Variants in FBXO34 observed in about 807,000 individuals in gnomAD.
FBXO34 encodes F-box protein 34.
FBXO34 carries 12 observed loss-of-function variants against 24.5 expected under a neutral mutation model. The ratio of observed to expected loss-of-function variants is 0.49; its 90% CI spans 0.31 to 0.79. The LOEUF is 0.79. Among genes scored for constraint, FBXO34 ranks in the 30% least tolerant of loss-of-function variants. The pLI is 0.04. For missense variants in FBXO34, 823 were observed against 857.7 expected, an observed-to-expected ratio of 0.96 and a Z score of 0.51; for synonymous variants, 320 against 311.9, an observed-to-expected ratio of 1.03 and a Z score of -0.27.
At chr14:55,323,949 T>C (rs1342576574) in intron 1 of FBXO34, among the ~76,000 whole-genome samples, 1 of 152,180 alleles carries the variant, frequency 6.6e-6, no homozygotes, top group Non-Finnish European at 1.5e-5. Context: ...ATTCACCCTT[T>C]GAAAGTGTAC....
At chr14:55,423,862 C>A in the FBXO34 span, among the ~76,000 whole-genome samples, 1 of 151,984 alleles carries the variant, frequency 6.6e-6, no homozygotes, top group Non-Finnish European at 1.5e-5. Context: ...CCATTAAAAG[C>A]CTTTATGAAG....
chr14:55,335,247 CTT>C (rs900201480), intron 1 of FBXO34: 1 of 152,148 alleles, frequency 6.6e-6, no homozygotes, highest in Non-Finnish European at 1.5e-5. Flanking sequence ...AAAAGTGCCT[CTT>C]ATGTGAAAAG....
At chr14:55,435,991 A>T in the FBXO34 span, 1 of 1,164,046 alleles carries the variant, frequency 8.6e-7, no homozygotes, top group Non-Finnish European at 1.2e-6. Context: ...AAAAAAAAAA[A>T]AAGACAACTT....
intron 1 of FBXO34, among the ~76,000 whole-genome samples, chr14:55,298,219 G>A (rs1012099203): frequency 1.4e-5 from 2 of 146,868 alleles, no homozygotes; most frequent in East Asian, 2.0e-4. Context: ...TTTTTTTTGC[G>A]TTTTTTTTTA....
At chr14:55,281,185 T>C (rs977675415) in intron 1 of FBXO34, among the ~76,000 whole-genome samples, 3 of 148,998 alleles carry the variant, frequency 2.0e-5, no homozygotes, top group African/African-American at 7.4e-5. Context: ...ACACAGGAGT[T>C]TTAGGTTATG....
At chr14:55,280,526 A>AATTTTTTTTTTTTT (rs201409175) in intron 1 of FBXO34, among the ~76,000 whole-genome samples, 1 of 95,896 alleles carries the variant, frequency 1.0e-5, no homozygotes, top group Non-Finnish European at 1.9e-5. Flanking sequence ...TATATCAGGA[A>AATTTTTTTTTTTTT]CTTTTTTTTT....
intron 1 of FBXO34, among the ~76,000 whole-genome samples, chr14:55,274,783 ATTTG>A (rs1263380811): frequency 1.3e-5 from 2 of 152,168 alleles, no homozygotes; most frequent in Non-Finnish European, 2.9e-5. Flanking sequence ...TTGTTTTAAT[ATTTG>A]TTTGGGAGAA....
chr14:55,392,849 AAT>A, the FBXO34 span, among the ~76,000 whole-genome samples: 31 of 152,182 alleles, frequency 2.0e-4, no homozygotes, highest in African/African-American at 7.5e-4. Context: ...TAACATCTCG[AAT>A]AGAGTCAGAC....
At chr14:55,424,200 A>G in the FBXO34 span, 3 of 1,613,576 alleles carry the variant, frequency 1.9e-6, no homozygotes, top group Non-Finnish European at 2.5e-6. Context: ...AAGCAACACA[A>G]TTCGTGGTTT....
At chr14:55,314,001 C>G (rs1662691392) in intron 1 of FBXO34, among the ~76,000 whole-genome samples, 1 of 152,118 alleles carries the variant, frequency 6.6e-6, no homozygotes. Context: ...CTTCCTGGCT[C>G]AAAGTGATCC....
chr14:55,367,822 G>GT (rs1178156494), exon 3 of FBXO34: 2 of 151,664 alleles, frequency 1.3e-5, no homozygotes, highest in Admixed American at 6.6e-5. Flanking sequence ...CAAGGAATTT[G>GT]TGACTACCGG....
chr14:55,356,628 T>TAA (rs200491616), downstream of FBXO34, among the ~76,000 whole-genome samples: 3 of 151,790 alleles, frequency 2.0e-5, no homozygotes, highest in Non-Finnish European at 4.4e-5. Flanking sequence ...ATTTTTTTAT[T>TAA]TTTTTATTTT....
intron 1 of FBXO34, chr14:55,299,016 G>C: frequency 6.2e-7 from 1 of 1,608,648 alleles, no homozygotes; most frequent in Non-Finnish European, 8.5e-7. Flanking sequence ...GGACATTGCT[G>C]ACCAGCAAGA....
chr14:55,373,234 A>G (rs1350785193), downstream of FBXO34, among the ~76,000 whole-genome samples: 2 of 152,196 alleles, frequency 1.3e-5, no homozygotes, highest in Non-Finnish European at 2.9e-5. Flanking sequence ...AAGACCCTGA[A>G]CCAGGAATAC....
downstream of FBXO34, among the ~76,000 whole-genome samples, chr14:55,373,602 G>C (rs1884863282): frequency 6.6e-6 from 1 of 152,050 alleles, no homozygotes; most frequent in Admixed American, 6.5e-5. Flanking sequence ...TGGGGTTACA[G>C]GCACCCGCCA....
the FBXO34 span, chr14:55,436,642 T>A: frequency 1.2e-6 from 2 of 1,612,864 alleles, no homozygotes; most frequent in East Asian, 2.2e-5. Flanking sequence ...AGACAAGGAG[T>A]CGGAGTTTGG....
chr14:55,429,700 A>AGGT, the FBXO34 span, among the ~76,000 whole-genome samples: 6 of 135,230 alleles, frequency 4.4e-5, no homozygotes, highest in Admixed American at 8.1e-5. Flanking sequence ...TGGGAGGCAG[A>AGGT]GGTTGCAGTG....
the FBXO34 span, among the ~76,000 whole-genome samples, chr14:55,391,607 T>C: frequency 5.9e-5 from 9 of 152,178 alleles, no homozygotes; most frequent in Non-Finnish European, 1.2e-4. Context: ...ACTAGCCACA[T>C]GTGGTTACTT....
At chr14:55,412,691 AT>A in the FBXO34 span, among the ~76,000 whole-genome samples, 1 of 152,136 alleles carries the variant, frequency 6.6e-6, no homozygotes, top group African/African-American at 2.4e-5. Flanking sequence ...CTCAAGGATG[AT>A]TTTACTAGGC....
Sources: allele counts gnomAD v4.1 joint callset (sites outside exome capture counted in the v4.1 genomes callset), GRCh38; gene constraint gnomAD v4.1.1; transcripts MANE v1.5; gene names NCBI Gene and HGNC (gene_info 2026-07-23, HGNC 2026-07-21).